Variants in TMEM117 observed in about 807,000 individuals in gnomAD.
TMEM117 encodes transmembrane protein 117.
Under a neutral mutation model 52.4 loss-of-function variants are expected in TMEM117, and 27 were observed. The ratio of observed to expected loss-of-function variants is 0.51; its 90% confidence interval spans 0.38 to 0.71. The LOEUF is 0.71. Ranked by LOEUF, TMEM117 falls within the 30% of genes least tolerant of loss-of-function variation. The probability of loss-of-function intolerance (pLI) is 0.00; values close to 1 mark genes in which losing one functional copy is unlikely to be tolerated. For missense variants in TMEM117, 556 were observed against 630.5 expected (o/e 0.88, Z 1.26); for synonymous variants, 215 against 206.3 (o/e 1.04, Z -0.36).
At chr12:43,798,144 A>C in the TMEM117 span, among the ~76,000 whole-genome samples, 2 of 152,174 alleles carry the variant, frequency 1.3e-5, no homozygotes, top group East Asian at 3.9e-4. Context: ...ACTGATTGTA[A>C]AATTTTACTT....
intron 3 of TMEM117, among the ~76,000 whole-genome samples, chr12:44,049,401 A>C (rs1459512005): frequency 1.3e-5 from 2 of 151,924 alleles, no homozygotes; most frequent in South Asian, 4.2e-4. Context: ...AACATCACAC[A>C]CCCAGGGCCT....
chr12:43,996,395 G>A (rs1413879631), intron 3 of TMEM117, among the ~76,000 whole-genome samples: 1 of 152,098 alleles, frequency 6.6e-6, no homozygotes, highest in African/African-American at 2.4e-5. Context: ...TGTAATCCCA[G>A]CCCTTTGGGA....
chr12:44,394,630 A>G (rs762456051), downstream of TMEM117, among the ~76,000 whole-genome samples: 1 of 152,122 alleles, frequency 6.6e-6, no homozygotes, highest in Non-Finnish European at 1.5e-5. Context: ...AGAGTTCTAA[A>G]TTATTTCCTT....
At chr12:44,387,989 G>T in intron 7 of TMEM117, 37 bp from the exon 8 acceptor site, 1 of 1,542,938 alleles carries the variant, frequency 6.5e-7, no homozygotes, top group Non-Finnish European at 8.7e-7. Context: ...CAATTTTATG[G>T]CCCTTTGATT....
At chr12:44,073,000 G>A (rs1565816312) in intron 3 of TMEM117, among the ~76,000 whole-genome samples, 1 of 151,848 alleles carries the variant, frequency 6.6e-6, no homozygotes, top group Non-Finnish European at 1.5e-5. Flanking sequence ...TGAGGCAGGA[G>A]AATCGTTTGA....
intron 3 of TMEM117, among the ~76,000 whole-genome samples, chr12:44,137,942 T>G (rs1446804210): frequency 2.9e-4 from 44 of 152,136 alleles, no homozygotes; most frequent in Admixed American, 2.4e-3. Context: ...GAAGTTTACC[T>G]TTTTTTACAT....
chr12:43,796,884 T>G, the TMEM117 span: 3 of 1,339,576 alleles, frequency 2.2e-6, no homozygotes, highest in East Asian at 7.0e-5. Flanking sequence ...AAAATAAATA[T>G]TTTCATTTAT....
chr12:44,194,816 G>A (rs1949397285), intron 4 of TMEM117, among the ~76,000 whole-genome samples: 1 of 152,066 alleles, frequency 6.6e-6, no homozygotes, highest in East Asian at 1.9e-4. Flanking sequence ...GGTGACAGAG[G>A]AAGACCCTGT....
At chr12:44,330,377 A>G (rs183156628) in intron 6 of TMEM117, among the ~76,000 whole-genome samples, 1 of 152,036 alleles carries the variant, frequency 6.6e-6, no homozygotes, top group Non-Finnish European at 1.5e-5. Context: ...GTCCAATGGA[A>G]ATACATTGTG....
chr12:44,391,522 G>A (rs1426875718), downstream of TMEM117, among the ~76,000 whole-genome samples: 1 of 152,012 alleles, frequency 6.6e-6, no homozygotes, highest in Non-Finnish European at 1.5e-5. Flanking sequence ...CTGCACCACT[G>A]GCTGACAGTA....
intron 3 of TMEM117, among the ~76,000 whole-genome samples, chr12:44,108,406 C>A (rs1948001997): frequency 9.9e-6 from 1 of 101,438 alleles, no homozygotes; most frequent in Admixed American, 1.1e-4. Flanking sequence ...CTTCCTGTGT[C>A]CATGTGATCT....
At chr12:44,274,378 C>A (rs1265206095) in intron 5 of TMEM117, among the ~76,000 whole-genome samples, 1 of 152,042 alleles carries the variant, frequency 6.6e-6, no homozygotes, top group African/African-American at 2.4e-5. Context: ...GTCCATAGTA[C>A]CCAAAGCAAT....
At chr12:44,248,091 C>T (rs140127845) in intron 5 of TMEM117, among the ~76,000 whole-genome samples, 7 of 152,176 alleles carry the variant, frequency 4.6e-5, no homozygotes, top group East Asian at 1.9e-4. Flanking sequence ...CCCAGTTGGG[C>T]GGGGAGACAG....
At chr12:43,965,562 A>G (rs1945470596) in intron 3 of TMEM117, among the ~76,000 whole-genome samples, 1 of 152,152 alleles carries the variant, frequency 6.6e-6, no homozygotes, top group Non-Finnish European at 1.5e-5. Flanking sequence ...TTTTCTGTAA[A>G]TGTTGTTTAC....
intron 4 of TMEM117, among the ~76,000 whole-genome samples, chr12:44,193,473 A>G (rs565196983): frequency 6.6e-6 from 1 of 152,320 alleles, no homozygotes; most frequent in South Asian, 2.1e-4. Flanking sequence ...GCCAATGCTA[A>G]TGACTTAGAG....
rs146708027 is a variant in TMEM117, at chr12:43,977,588, T to C, written c.410+33246T>C. 3.4e-4 allele frequency among the ~76,000 whole-genome samples: 52 copies of C among 152,284 alleles called. 2 individuals are homozygous for C. The highest frequency in any genetic ancestry group is 1.2e-3 in the African/African-American group (48 of 41,556). On this transcript the variant is annotated intron_variant, in intron 3 of 7. Transcript: ENST00000266534. ...GAATTTATTATTTAAATTTAAAAAA[T>C]TAAAGGTAAATAAGGCTTGTGCTAG...
rs927488891 is a variant in TMEM117 at position 44,043,605 on chromosome 12, G to C, written c.410+99263G>C. 5.3e-5 allele frequency among the ~76,000 whole-genome samples: 8 copies of C among 152,220 alleles called. 1 individual carries two copies. The highest frequency in any genetic ancestry group is 1.9e-4 in the African/African-American group (8 of 41,536). ...ACCTTGCACTGCCTGAGACAACAGT[G>C]ATGGCCTCCCTGAGCCTGTTTCCAG... On this transcript the variant is annotated intron_variant, in intron 3 of 7. Transcript: ENST00000266534.
chr12:43,846,511 T>G (rs1216534830), intron 2 of TMEM117, among the ~76,000 whole-genome samples: 1 of 152,196 alleles, frequency 6.6e-6, no homozygotes, highest in Admixed American at 6.5e-5. Context: ...GATTTTTGCC[T>G]AGAGGTAGGT....
chr12:44,094,185 G>A (rs993623669), intron 3 of TMEM117, among the ~76,000 whole-genome samples: 1 of 152,244 alleles, frequency 6.6e-6, no homozygotes, highest in Admixed American at 6.5e-5. Context: ...TGAAGAAAGG[G>A]AAGAGAATTT....
Sources: gnomAD v4.1 joint callset for allele counts (sites outside exome capture counted in the v4.1 genomes callset) on GRCh38, gnomAD v4.1.1 for gene constraint, MANE v1.5 for transcripts, NCBI Gene and HGNC (gene_info 2026-07-23, HGNC 2026-07-21) for gene names.